Variants in NEURL1 observed in about 807,000 individuals in gnomAD.
NEURL1 encodes neuralized E3 ubiquitin protein ligase 1, also known as E3 ubiquitin-protein ligase NEURL1.
NEURL1 carries 26 observed loss-of-function variants against 41.2 expected under a neutral mutation model. The observed-to-expected ratio is 0.63, with a 90% CI of 0.46 to 0.87. The LOEUF is 0.87. Ranked by LOEUF, NEURL1 falls within the 40% of genes least tolerant of loss-of-function variation. NEURL1 has a pLI of 0.00. For synonymous variants in NEURL1, 400 were observed against 402.3 expected, an observed-to-expected ratio of 0.99 and a Z score of 0.07; for missense variants, 761 against 871.1, an observed-to-expected ratio of 0.87 and a Z score of 1.59.
intron 1 of NEURL1, 96 bp from the exon 2 acceptor site, chr10:103,570,776 T>G: frequency 6.5e-7 from 1 of 1,528,522 alleles, no homozygotes; most frequent in Non-Finnish European, 8.8e-7. Context: ...TCTGGGTGAC[T>G]TCTGGTCATG....
At chr10:103,574,509 A>G (rs532085125) in intron 3 of NEURL1, among the ~76,000 whole-genome samples, 5 of 152,282 alleles carry the variant, frequency 3.3e-5, no homozygotes, top group Non-Finnish European at 7.4e-5. Context: ...CACCTTTCCC[A>G]TTACCCTCCA....
chr10:103,505,856 C>G (rs2033934592), intron 1 of NEURL1, among the ~76,000 whole-genome samples: 2 of 152,208 alleles, frequency 1.3e-5, no homozygotes, highest in African/African-American at 4.8e-5. Flanking sequence ...GAACTTTCAG[C>G]AGAAAATCAT....
At chr10:103,499,010 CTTTG>C (rs2033757765) in intron 1 of NEURL1, among the ~76,000 whole-genome samples, 1 of 152,200 alleles carries the variant, frequency 6.6e-6, no homozygotes, top group Non-Finnish European at 1.5e-5. Flanking sequence ...GTGTCTAAGT[CTTTG>C]TTTGAACACC....
At chr10:103,587,156 G>C (rs918235331) in intron 4 of NEURL1, among the ~76,000 whole-genome samples, 2 of 152,218 alleles carry the variant, frequency 1.3e-5, no homozygotes, top group South Asian at 4.1e-4. Context: ...AAAGAAATTA[G>C]GCTGGGATGC....
Position 103,558,499 on chromosome 10 carries a change from ATGCC to A in NEURL1, c.86-12370_86-12367del, listed in dbSNP as rs1226338671. On this transcript the variant is annotated intron_variant, in intron 1 of 5. Transcript: ENST00000369780. This position sits in a 1 kb window ranked among gnomAD's most constrained non-coding sequence, Gnocchi z 4.2. ...ATCTGTGGTACTCTGTGCCTGTGCC[ATGCC>A]TGTGTGTGTGTGTGTGTGTGTGTGT... 6.0e-5 allele frequency among the ~76,000 whole-genome samples: 8 copies of A among 133,794 alleles called. No homozygotes were observed. Among genetic ancestry groups the A allele is most frequent in the Non-Finnish European group, 7.7e-5 (5 of 64,674 alleles). 87.8% of individuals were successfully genotyped at this position (133,794 alleles called of 152,430 possible).
intron 1 of NEURL1, among the ~76,000 whole-genome samples, chr10:103,567,653 C>T (rs1396945790): frequency 1.3e-5 from 2 of 152,216 alleles, no homozygotes; most frequent in African/African-American, 4.8e-5. Flanking sequence ...CCTGCCTTGG[C>T]CTCCCAAAGT....
chr10:103,509,456 T>C (rs945241325), intron 1 of NEURL1, among the ~76,000 whole-genome samples: 1 of 152,162 alleles, frequency 6.6e-6, no homozygotes, highest in Non-Finnish European at 1.5e-5. Context: ...CTGTGCTAGA[T>C]ACCGCAGGCA....
At chr10:103,512,829 G>A (rs1592184911) in intron 1 of NEURL1, among the ~76,000 whole-genome samples, 1 of 152,060 alleles carries the variant, frequency 6.6e-6, no homozygotes, top group African/African-American at 2.4e-5. Context: ...GGAGGCAGGA[G>A]GGGGACTGGG....
intron 3 of NEURL1, among the ~76,000 whole-genome samples, chr10:103,575,659 C>A (rs990250162): frequency 6.6e-6 from 1 of 152,126 alleles, no homozygotes; most frequent in Non-Finnish European, 1.5e-5. Context: ...ATGCCATGGC[C>A]CCAGCAGGCC....
intron 1 of NEURL1, among the ~76,000 whole-genome samples, chr10:103,532,891 G>A (rs138495870): frequency 0.01 from 1,402 of 139,328 alleles, 20 homozygotes; most frequent in African/African-American, 0.035. Flanking sequence ...CATTAAATAG[G>A]TTTTCTACAC....
intron 1 of NEURL1, among the ~76,000 whole-genome samples, chr10:103,567,472 G>A (rs1238262801): frequency 2.0e-5 from 3 of 152,004 alleles, no homozygotes. Context: ...GCAGCTTTCA[G>A]CCCCTGGGCT....
chr10:103,533,807 A>T (rs2034632910), intron 1 of NEURL1, among the ~76,000 whole-genome samples: 1 of 152,088 alleles, frequency 6.6e-6, no homozygotes, highest in Non-Finnish European at 1.5e-5. Flanking sequence ...AAGTGCTGGG[A>T]TTACAGGCTT....
At chr10:103,525,503 G>A (rs956024231) in intron 1 of NEURL1, among the ~76,000 whole-genome samples, 4 of 151,722 alleles carry the variant, frequency 2.6e-5, no homozygotes, top group Admixed American at 1.3e-4. Context: ...ACAGGTGTGC[G>A]CTACAATGCT....
chr10:103,551,272 G>C (rs941117249), intron 1 of NEURL1, among the ~76,000 whole-genome samples: 3 of 149,144 alleles, frequency 2.0e-5, no homozygotes, highest in African/African-American at 7.5e-5. Context: ...CACCCTTTTA[G>C]TAACAGAATC....
intron 1 of NEURL1, among the ~76,000 whole-genome samples, chr10:103,528,282 T>C (rs59553839): frequency 2.3e-3 from 345 of 152,062 alleles, no homozygotes; most frequent in African/African-American, 8.0e-3. Context: ...CTGAACCCGG[T>C]AGGCGGATGT....
At chr10:103,504,464 G>A (rs1030620582) in intron 1 of NEURL1, among the ~76,000 whole-genome samples, 1 of 152,144 alleles carries the variant, frequency 6.6e-6, no homozygotes, top group African/African-American at 2.4e-5. Flanking sequence ...TTTAGGTTTT[G>A]GAGTGAAAGA....
Position 103,588,424 on chromosome 10 carries a change from G to A in NEURL1, c.1340-1090G>A, listed in dbSNP as rs1193864653. On this transcript the variant is annotated intron_variant, in intron 4 of 5. Coordinates refer to ENST00000369780, the MANE Select transcript of NEURL1 (RefSeq NM_004210.5). The stretch of plus-strand genomic sequence containing the variant: ...GTGTAGTTGTATGTCTGTAGTGCAT[G>A]TGTGTGTGTACTTGAGGGAGTAATG... Among the ~76,000 whole-genome samples the A allele has an allele frequency of 3.3e-5, 5 of 152,152 alleles. No homozygotes were observed. The East Asian group carries it at 9.6e-4, about 29-fold the overall frequency.
chr10:103,541,693 G>C (rs544677035), intron 1 of NEURL1, among the ~76,000 whole-genome samples: 2 of 152,314 alleles, frequency 1.3e-5, no homozygotes, highest in East Asian at 1.9e-4. Context: ...GATGACATGG[G>C]GATGACTGGG....
In NEURL1 at chr10:103,494,420, G is replaced by A. The variant is rs748359736; in HGVS notation, c.33G>A (p.Leu11=). 2 of 1,599,080 alleles carry A rather than the reference G, an allele frequency of 1.3e-6. No individual in the cohort carries two copies. The highest frequency in any genetic ancestry group is 8.5e-7 in the Non-Finnish European group (1 of 1,173,380). The change falls in exon 1 of 6, where the codon CTG becomes CTA. Residue 11 remains leucine, a synonymous_variant. Coordinates refer to ENST00000369780, the MANE Select transcript of NEURL1 (RefSeq NM_004210.5). ...ACAACTTCTCCAGTATCCCCTCGCT[G>A]CCCCGAGGAAACCCGAGCCGCGCGC... MGNNFSSIPS[L]PRGNPSRAPR...
Sources: gnomAD v4.1 joint callset for allele counts (sites outside exome capture counted in the v4.1 genomes callset) on GRCh38, gnomAD v4.1.1 for gene constraint, Gnocchi (gnomAD v3.1) non-coding constraint, MANE v1.5 for transcripts, NCBI Gene and HGNC (gene_info 2026-07-23, HGNC 2026-07-21) for gene names.